The following ZNF626 variants were observed in gnomAD, a reference collection of about 807,000 sequenced individuals.
ZNF626 encodes CTC-513N18.7.
A neutral mutation model predicts 11.7 loss-of-function variants in ZNF626; 4 were observed. That is an observed-to-expected ratio of 0.34 (90% CI 0.17 to 0.78). The LOEUF is 0.78. ZNF626 is among the 30% of genes least tolerant of loss of function. The pLI, the probability that ZNF626 is intolerant of heterozygous loss-of-function variation, is 0.57. For synonymous variants in ZNF626, 179 were observed against 198.6 expected (o/e 0.90, Z 0.83); for missense variants, 588 against 587.1 (o/e 1.00, Z -0.01).
chr19:20,626,026 G>A (rs548053289), intron 3 of ZNF626, among the ~76,000 whole-genome samples: 1 of 152,160 alleles, frequency 6.6e-6, no homozygotes, highest in South Asian at 2.1e-4. Context: ...ATGTTGGGAG[G>A]CTGACGTGGG....
At chr19:20,628,429 T>G (rs1969865237) in intron 3 of ZNF626, among the ~76,000 whole-genome samples, 1 of 152,150 alleles carries the variant, frequency 6.6e-6, no homozygotes, top group Non-Finnish European at 1.5e-5. Context: ...CTCCACATCC[T>G]CTCCAGCACC....
chr19:20,639,749 A>G (rs953446937), intron 3 of ZNF626, among the ~76,000 whole-genome samples: 8 of 152,224 alleles, frequency 5.3e-5, no homozygotes, highest in Non-Finnish European at 1.5e-5. Flanking sequence ...CAACAAAAAC[A>G]ATCATTTAAA....
intron 1 of ZNF626, among the ~76,000 whole-genome samples, chr19:20,658,322 C>T (rs1458582218): frequency 1.3e-5 from 2 of 152,018 alleles, no homozygotes; most frequent in Non-Finnish European, 2.9e-5. Context: ...GGGGATATGC[C>T]AGGAGACCTG....
chr19:20,657,414 T>C (rs1402349357), intron 1 of ZNF626, among the ~76,000 whole-genome samples: 2 of 151,586 alleles, frequency 1.3e-5, no homozygotes, highest in Non-Finnish European at 2.9e-5. Flanking sequence ...ATACAAAATA[T>C]GGTACATAAA....
intron 1 of ZNF626, among the ~76,000 whole-genome samples, chr19:20,657,446 C>A (rs1307448611): frequency 6.6e-6 from 1 of 151,642 alleles, no homozygotes; most frequent in East Asian, 1.9e-4. Flanking sequence ...ACTCTGTGGC[C>A]ATTAAAAAAA....
intron 3 of ZNF626, among the ~76,000 whole-genome samples, chr19:20,626,001 G>T (rs935161381): frequency 6.6e-6 from 1 of 152,144 alleles, no homozygotes; most frequent in African/African-American, 2.4e-5. Flanking sequence ...GGTGACACAC[G>T]CCTGTAGTCC....
intron 3 of ZNF626, among the ~76,000 whole-genome samples, chr19:20,631,770 A>G (rs1969908645): frequency 6.6e-6 from 1 of 151,150 alleles, no homozygotes; most frequent in Non-Finnish European, 1.5e-5. Flanking sequence ...TTTTAATTGG[A>G]GCATTTAGCC....
chr19:20,633,575 T>C (rs1440279221), intron 3 of ZNF626, among the ~76,000 whole-genome samples: 1 of 152,190 alleles, frequency 6.6e-6, no homozygotes, highest in Non-Finnish European at 1.5e-5. Context: ...TCCATTGGCG[T>C]AGGACCCTCT....
At position 20,645,784 on chromosome 19, in the gene ZNF626, T is replaced by A. The variant is rs781788872; in HGVS notation, c.131-5A>T. On this transcript the variant is annotated splice_region_variant and splice_polypyrimidine_tract_variant and intron_variant, in intron 2 of 3. Coordinates refer to ENST00000601440, the MANE Select transcript of ZNF626 (RefSeq NM_001076675.3). ...CTGGCTTAGAAACAGTAATACCTGT[T>A]TTATTAAAAATAAATAACATAAATC... 16 of 1,601,162 alleles carry A rather than the reference T, an allele frequency of 1.0e-5. No individual in the cohort carries two copies. Among genetic ancestry groups the A allele is most frequent in the Non-Finnish European group, 1.2e-5 (14 of 1,174,506 alleles).
intron 3 of ZNF626, among the ~76,000 whole-genome samples, chr19:20,626,127 C>T (rs2336611): frequency 0.76 from 116,212 of 151,988 alleles, 46,232 homozygotes; most frequent in Non-Finnish European, 0.87. Context: ...CTGGGTGTGG[C>T]GATGGGGCAC....
At position 20,624,167 on chromosome 19, in the gene ZNF626, C is replaced by A. The variant is rs1283593908; in HGVS notation, c.*123G>T. On this transcript the variant is annotated 3_prime_UTR_variant, in exon 4 of 4. Transcript: ENST00000601440. Reference sequence around the variant, plus strand: ...TTAGAGGAGTGCTTAAAGGCTTTGCCACATTCTTCACATCTGTAGGGTTTT... The same window carrying A: ...TTAGAGGAGTGCTTAAAGGCTTTGCAACATTCTTCACATCTGTAGGGTTTT... 7.9e-6 allele frequency: 12 copies of A among 1,519,452 alleles called. No homozygotes were observed. Among genetic ancestry groups the A allele is most frequent in the African/African-American group, 2.7e-5 (2 of 73,078 alleles). The allele number at this position is 1,519,452 out of a possible 1,614,324, so 94.1% of individuals were successfully genotyped here.
chr19:20,653,543 C>T (rs1229134770), intron 1 of ZNF626, among the ~76,000 whole-genome samples: 2 of 151,232 alleles, frequency 1.3e-5, no homozygotes, highest in South Asian at 2.1e-4. Context: ...GCAGGATAAT[C>T]GCTTGAACCT....
At position 20,625,240 on chromosome 19, in the gene ZNF626, A is replaced by G; in HGVS notation, c.637T>C (p.Ser213Pro). 1 of 1,613,638 alleles carries G rather than the reference A, an allele frequency of 6.2e-7. No homozygotes were observed. The highest frequency in any genetic ancestry group is 8.5e-7 in the Non-Finnish European group (1 of 1,179,974). ...TTCTTATGTCTAGTAAGGCTACAAG[A>G]GTGGTTAAAGGCTTTGCCACATTCT... ...CEECGKAFNHSCSLTRHKKIH... is the reference protein window; with the variant it reads ...CEECGKAFNHPCSLTRHKKIH... Residue 213 changes from serine to proline, a missense_variant, in exon 4 of 4, where the codon TCT becomes CCT. Around this residue, in one of 4 missense-constraint regions of ZNF626, gnomAD observed 524 missense variants for 470.1 expected, o/e 1.11. Coordinates refer to ENST00000601440, the MANE Select transcript of ZNF626 (RefSeq NM_001076675.3).
chr19:20,624,137 T>TA lies in ZNF626; in HGVS notation c.*152dup. 4 of 1,251,318 alleles carry TA rather than the reference T, an allele frequency of 3.2e-6. No individual in the cohort carries two copies. Among genetic ancestry groups the TA allele is most frequent in the Non-Finnish European group, 2.3e-6 (2 of 852,200 alleles). The allele number at this position is 1,251,318 out of a possible 1,614,324, so 77.5% of individuals were successfully genotyped here. On this transcript the variant is annotated 3_prime_UTR_variant, in exon 4 of 4. Transcript: ENST00000601440. ...CCAGTATGAAATCTCTTATGTGTAG[T>TA]AAGTTTAGAGGAGTGCTTAAAGGCT...
intron 1 of ZNF626, among the ~76,000 whole-genome samples, chr19:20,650,009 C>A (rs1555772402): frequency 6.6e-6 from 1 of 152,196 alleles, no homozygotes; most frequent in African/African-American, 2.4e-5. Context: ...GCAGCAATGT[C>A]TGAAGAAGTC....
chr19:20,635,557 G>A (rs200408030), intron 3 of ZNF626, among the ~76,000 whole-genome samples: 2 of 152,034 alleles, frequency 1.3e-5, no homozygotes, highest in East Asian at 1.9e-4. Context: ...TTCTGACACC[G>A]TGATCCACCC....
At chr19:20,643,893 G>C (rs1043471367) in intron 3 of ZNF626, among the ~76,000 whole-genome samples, 8 of 152,182 alleles carry the variant, frequency 5.3e-5, no homozygotes, top group Admixed American at 3.3e-4. Flanking sequence ...GCTGAAGTTC[G>C]AGACGTGTTC....
At position 20,623,398 on chromosome 19, in the gene ZNF626, A is replaced by G. The variant is rs376211565; in HGVS notation, c.*892T>C. 14 of 152,376 alleles carry G rather than the reference A, an allele frequency of 9.2e-5. No individual in the cohort carries two copies. The highest frequency in any genetic ancestry group is 2.9e-4 in the African/African-American group (12 of 41,578). 9.4% of individuals were successfully genotyped at this position (152,376 alleles called of 1,614,324 possible). A position where few individuals can be genotyped will look rare whatever the true frequency, so the allele number is the denominator to read the frequency against. On this transcript the variant is annotated 3_prime_UTR_variant, in exon 4 of 4. Coordinates refer to ENST00000601440, the MANE Select transcript of ZNF626 (RefSeq NM_001076675.3). ...TATTTCTAGGGTTTCACACTAGTAT[A>G]AATTTTTTATGTATAGAAAGGATGG...
chr19:20,659,915 T>C (rs1347077296), intron 1 of ZNF626, among the ~76,000 whole-genome samples: 1 of 151,738 alleles, frequency 6.6e-6, no homozygotes, highest in East Asian at 1.9e-4. Flanking sequence ...GTGGCTGGGG[T>C]GAGCAGTCTT....
Sources: gnomAD v4.1 joint callset for allele counts (sites outside exome capture counted in the v4.1 genomes callset) on GRCh38, gnomAD v4.1.1 for gene constraint, gnomAD v4.1.1 regional missense constraint, MANE v1.5 for transcripts, NCBI Gene and HGNC (gene_info 2026-07-23, HGNC 2026-07-21) for gene names.